The following PARD3B variants were observed in gnomAD, a reference collection of about 807,000 sequenced individuals.
PARD3B encodes par-3 family cell polarity regulator beta, also known as partitioning defective 3 homolog B.
Under a neutral mutation model 130.2 loss-of-function variants are expected in PARD3B, and 103 were observed. That is an observed-to-expected ratio of 0.79 (90% CI 0.67 to 0.93). The LOEUF is 0.93. PARD3B is among the 40% of genes least tolerant of loss of function. PARD3B has a pLI of 0.00. For missense variants in PARD3B, 1,609 were observed against 1,499.2 expected, an observed-to-expected ratio of 1.07 and a Z score of -1.21; for synonymous variants, 583 against 553.2, an observed-to-expected ratio of 1.05 and a Z score of -0.76.
chr2:205,502,859 T>C (rs1188547605), intron 21 of PARD3B, among the ~76,000 whole-genome samples: 1 of 152,122 alleles, frequency 6.6e-6, no homozygotes, highest in Non-Finnish European at 1.5e-5. Flanking sequence ...CTGGACTTTC[T>C]AGATCTTCTC....
rs188791082 is a variant in PARD3B at position 205,291,719 on chromosome 2, T to C, written c.2186-8811T>C. ...GAAAAATGACCTAAAGATGGAATTG[T>C]CCATCAAAAAGGAAGCAGAGCTTAA... On this transcript the variant is annotated intron_variant, in intron 16 of 22. Transcript: ENST00000406610. This position sits in a 1 kb window ranked among gnomAD's most constrained non-coding sequence, Gnocchi z 4.6. Among the ~76,000 whole-genome samples the C allele has an allele frequency of 2.8e-4, 43 of 152,296 alleles. No homozygotes were observed. The highest frequency in any genetic ancestry group is 3.4e-3 in the Middle Eastern group (1 of 294).
rs1025895255 is a variant in PARD3B, at chr2:205,584,866, CTT to C, written c.3261-30585_3261-30584del. On this transcript the variant is annotated intron_variant, in intron 22 of 22. Transcript: ENST00000406610. This position sits in a 1 kb window ranked among gnomAD's most constrained non-coding sequence, Gnocchi z 5.5. ...CCTGAGCCTTCTTTTTTGGAAAACA[CTT>C]TTTTCCCCTTAGATTGTACATAATA... Among the ~76,000 whole-genome samples, 2 of 152,034 alleles carry C rather than the reference CTT, an allele frequency of 1.3e-5. No individual in the cohort carries two copies. Among genetic ancestry groups the C allele is most frequent in the African/African-American group, 4.8e-5 (2 of 41,410 alleles).
chr2:205,514,363 T>G (rs1428014910), intron 21 of PARD3B, among the ~76,000 whole-genome samples: 3 of 152,162 alleles, frequency 2.0e-5, no homozygotes, highest in Admixed American at 2.0e-4. Flanking sequence ...TTATAAGTCT[T>G]CCTATGAGTT....
chr2:204,959,921 T>A (rs1690598235), intron 2 of PARD3B, among the ~76,000 whole-genome samples: 1 of 152,062 alleles, frequency 6.6e-6, no homozygotes, highest in Non-Finnish European at 1.5e-5. Context: ...TAACTCCTGT[T>A]TAGAAGGTAG....
At chr2:205,036,695 CTG>C in intron 3 of PARD3B, among the ~76,000 whole-genome samples, 1 of 142,820 alleles carries the variant, frequency 7.0e-6, no homozygotes, top group East Asian at 2.1e-4. Context: ...ACACAGCGGA[CTG>C]TATGTACAAA....
chr2:204,766,108 A>G (rs1235918915), intron 2 of PARD3B, among the ~76,000 whole-genome samples: 6 of 152,140 alleles, frequency 3.9e-5, no homozygotes, highest in Admixed American at 2.0e-4. Context: ...AATTCTATAT[A>G]TTTTGTTTCA....
At chr2:205,481,848 C>G (rs1275017355) in intron 20 of PARD3B, among the ~76,000 whole-genome samples, 6 of 152,130 alleles carry the variant, frequency 3.9e-5, no homozygotes, top group Non-Finnish European at 8.8e-5. Flanking sequence ...CTAATGAGCA[C>G]AGAGAAACAA....
In PARD3B at chr2:204,799,252, G is replaced by C. The variant is rs568495518; in HGVS notation, c.222+112970G>C. Among the ~76,000 whole-genome samples, 1 of 152,166 alleles carries C rather than the reference G, an allele frequency of 6.6e-6. No homozygotes were observed. The highest frequency in any genetic ancestry group is 1.5e-5 in the Non-Finnish European group (1 of 68,030). On this transcript the variant is annotated intron_variant, in intron 2 of 22. Transcript: ENST00000406610. This position sits in a 1 kb window ranked among gnomAD's most constrained non-coding sequence, Gnocchi z 4.1. ...CCAGGCAGTACTTGCCCTGGGCCTGGGTCGCTGGTGGCTGCAGGGAAACTC... is the reference window on the plus strand; with the variant it reads ...CCAGGCAGTACTTGCCCTGGGCCTGCGTCGCTGGTGGCTGCAGGGAAACTC...
chr2:204,674,276 G>T (rs757726376), intron 1 of PARD3B, among the ~76,000 whole-genome samples: 1 of 152,176 alleles, frequency 6.6e-6, no homozygotes, highest in Non-Finnish European at 1.5e-5. Flanking sequence ...GTTAGGTCGA[G>T]AAATTTCTCT....
At chr2:205,323,072 G>A (rs113398285) in intron 18 of PARD3B, among the ~76,000 whole-genome samples, 2,953 of 151,290 alleles carry the variant, frequency 0.02, 40 homozygotes, top group African/African-American at 0.027. Flanking sequence ...CACCAAGCCC[G>A]GCTAATTTTT....
intron 14 of PARD3B, among the ~76,000 whole-genome samples, chr2:205,190,289 T>C (rs1460872678): frequency 6.6e-6 from 1 of 152,152 alleles, no homozygotes; most frequent in Admixed American, 6.5e-5. Context: ...AACACATTGT[T>C]CAGTTGGGTA....
intron 4 of PARD3B, among the ~76,000 whole-genome samples, chr2:205,103,490 G>A (rs1003533012): frequency 4.6e-5 from 7 of 151,964 alleles, no homozygotes; most frequent in South Asian, 4.1e-4. Flanking sequence ...TCTTAAGCTC[G>A]TATGTTGTCT....
At chr2:204,863,250 C>CCT (rs2045282319) in intron 2 of PARD3B, among the ~76,000 whole-genome samples, 1 of 152,164 alleles carries the variant, frequency 6.6e-6, no homozygotes, top group African/African-American at 2.4e-5. Context: ...ACCTTCCAGT[C>CCT]TGATGCTTGT....
intron 4 of PARD3B, among the ~76,000 whole-genome samples, chr2:205,053,414 G>A (rs527935882): frequency 5.6e-4 from 85 of 152,084 alleles, no homozygotes; most frequent in African/African-American, 1.9e-3. Flanking sequence ...GAGGCAGGTG[G>A]ATCACCTGAG....
rs1270318090 is a variant in PARD3B at position 205,301,690 on chromosome 2, C to A, written c.2619C>A (p.Gly873=). The A allele has an allele frequency of 1.9e-6, 3 of 1,613,900 alleles. No homozygotes were observed. The highest frequency in any genetic ancestry group is 2.5e-6 in the Non-Finnish European group (3 of 1,179,996). ...PERKIKKKGF[G]AMLRFGKKKE... Reference sequence around the variant, plus strand: ...GGAAAATAAAGAAGAAGGGCTTCGGCGCCATGCTGAGGTATGGGCCTGCTT... The same window carrying A: ...GGAAAATAAAGAAGAAGGGCTTCGGAGCCATGCTGAGGTATGGGCCTGCTT... Residue 873 remains glycine, a synonymous_variant, in exon 18 of 23, where the codon GGC becomes GGA. Transcript: ENST00000406610. This position sits in a 1 kb window ranked among gnomAD's most constrained non-coding sequence, Gnocchi z 5.2.
chr2:204,668,143 G>C (rs1229537440), intron 1 of PARD3B, among the ~76,000 whole-genome samples: 1 of 152,184 alleles, frequency 6.6e-6, no homozygotes, highest in Admixed American at 6.5e-5. Flanking sequence ...ATAAGCAGGA[G>C]AGAGAGGAGA....
intron 21 of PARD3B, among the ~76,000 whole-genome samples, chr2:205,519,453 G>GCTATTTCATC (rs1457090775): frequency 6.6e-6 from 1 of 152,064 alleles, no homozygotes; most frequent in Non-Finnish European, 1.5e-5. Flanking sequence ...TTTTGGACTG[G>GCTATTTCATC]CTATTTCATC....
intron 2 of PARD3B, among the ~76,000 whole-genome samples, chr2:204,951,116 C>A (rs1421120678): frequency 1.3e-5 from 2 of 152,202 alleles, no homozygotes; most frequent in Non-Finnish European, 2.9e-5. Context: ...GCAGGGCCAA[C>A]TTGCTATGCA....
chr2:204,692,309 T>A lies in PARD3B; in HGVS notation c.222+6027T>A, dbSNP rs17638036. 0.012 allele frequency among the ~76,000 whole-genome samples: 1,826 copies of A among 152,174 alleles called. 70 individuals carry two copies. The East Asian group carries it at 0.14, about 12-fold the overall frequency. On this transcript the variant is annotated intron_variant, in intron 2 of 22. Coordinates refer to ENST00000406610, the MANE Select transcript of PARD3B (RefSeq NM_001302769.2). The stretch of plus-strand genomic sequence containing the variant: ...TCTTCTAGTAAGGGCTAAAGGAAAT[T>A]CCTTGCATTTATAAAAACTCCTCTT...
Sources: gnomAD v4.1 joint callset for allele counts (sites outside exome capture counted in the v4.1 genomes callset) on GRCh38, gnomAD v4.1.1 for gene constraint, Gnocchi (gnomAD v3.1) non-coding constraint, MANE v1.5 for transcripts, NCBI Gene and HGNC (gene_info 2026-07-23, HGNC 2026-07-21) for gene names.